The following AATK variants were observed in gnomAD, a reference collection of about 807,000 sequenced individuals.
The protein encoded by AATK is serine/threonine-protein kinase LMTK1.
In AATK, 91 loss-of-function variants were observed where a neutral mutation model predicts 114.3. The observed-to-expected ratio is 0.80, with a 90% CI of 0.67 to 0.95. AATK has a LOEUF of 0.95. AATK is among the 40% of genes least tolerant of loss of function. AATK has a pLI of 0.00. For synonymous variants in AATK, 1,075 were observed against 916.5 expected, an observed-to-expected ratio of 1.17 and a Z score of -3.12; for missense variants, 2,176 against 1,965.2, an observed-to-expected ratio of 1.11 and a Z score of -2.03.
chr17:81,153,642 T>G (rs955013770), intron 1 of AATK, among the ~76,000 whole-genome samples: 3 of 152,166 alleles, frequency 2.0e-5, no homozygotes, highest in Non-Finnish European at 4.4e-5. Context: ...TCACCAGCAC[T>G]ATTTCCGCCA....
chr17:81,118,306 C>A lies in AATK; in HGVS notation c.*96G>T. On this transcript the variant is annotated 3_prime_UTR_variant, in exon 14 of 14. Transcript: ENST00000326724. ...ACCTGAATCTGCTGCCAACAGCCAC[C>A]AGGACGTGGTCCCCACCTTCTCGGT... 1 of 1,337,160 alleles carries A rather than the reference C, an allele frequency of 7.5e-7. No individual in the cohort carries two copies. Among genetic ancestry groups the A allele is most frequent in the South Asian group, 1.3e-5 (1 of 75,976 alleles). The allele number at this position is 1,337,160 out of a possible 1,614,324, so 82.8% of individuals were successfully genotyped here. A position where few individuals can be genotyped will look rare whatever the true frequency, so the allele number is the denominator to read the frequency against.
At chr17:81,118,933 G>A (rs1014921094) in intron 13 of AATK, among the ~76,000 whole-genome samples, 4 of 152,248 alleles carry the variant, frequency 2.6e-5, no homozygotes, top group Non-Finnish European at 4.4e-5. Context: ...AGCCCAGCCT[G>A]GGGTGGGGCG....
intron 1 of AATK, among the ~76,000 whole-genome samples, chr17:81,160,520 G>A (rs1464475060): frequency 1.3e-5 from 2 of 152,358 alleles, no homozygotes; most frequent in Non-Finnish European, 2.9e-5. Context: ...TCCCGCGGGC[G>A]CTTGTTCCTC....
At chr17:81,129,002 C>T in intron 3 of AATK, 11 of 842,962 alleles carry the variant, frequency 1.3e-5, no homozygotes, top group Non-Finnish European at 1.7e-5. Flanking sequence ...TTGGGGGCTG[C>T]TTGGCACGGC....
intron 1 of AATK, among the ~76,000 whole-genome samples, chr17:81,140,807 G>A (rs2061118161): frequency 7.2e-6 from 1 of 138,494 alleles, no homozygotes; most frequent in Admixed American, 6.9e-5. Flanking sequence ...GAGACCGTGG[G>A]GCTGTGAGCC....
intron 9 of AATK, among the ~76,000 whole-genome samples, chr17:81,124,234 C>T (rs1052382204): frequency 1.8e-4 from 27 of 152,054 alleles, no homozygotes; most frequent in African/African-American, 5.1e-4. Flanking sequence ...CGGACCACTC[C>T]CCTGGCGGCT....
chr17:81,127,447 T>G (rs1422511218), intron 6 of AATK, 136 bp downstream of exon 6: 1 of 838,298 alleles, frequency 1.2e-6, no homozygotes, highest in East Asian at 2.7e-5. Flanking sequence ...TGGAAGGTGG[T>G]GGGGGCAGGG....
At chr17:81,165,911 G>C (rs747315725) in intron 1 of AATK, 27 bp downstream of exon 1, 17 of 1,566,342 alleles carry the variant, frequency 1.1e-5, no homozygotes, top group Non-Finnish European at 1.5e-5. Flanking sequence ...AGGCAGCGGC[G>C]CGCAGGCCGG....
chr17:81,140,273 T>C (rs963239070), intron 1 of AATK, among the ~76,000 whole-genome samples: 3 of 152,220 alleles, frequency 2.0e-5, no homozygotes, highest in Admixed American at 6.5e-5. Flanking sequence ...ACTTGCTTTT[T>C]TCGTATCAGT....
chr17:81,119,205 GCCAGGCGGGGT>G (rs1568215711), intron 13 of AATK, among the ~76,000 whole-genome samples, 164 bp downstream of exon 13: 1 of 150,450 alleles, frequency 6.6e-6, no homozygotes, highest in Admixed American at 6.6e-5. Context: ...CCAGGCGAGG[GCCAGGCGGGGT>G]CCAGGCTAGG....
intron 1 of AATK, among the ~76,000 whole-genome samples, chr17:81,159,632 T>C (rs2061407097): frequency 6.6e-6 from 1 of 150,994 alleles, no homozygotes; most frequent in South Asian, 2.1e-4. Context: ...TTGTTCAGAG[T>C]CACTAAGAAT....
rs2060651494 is a variant in AATK at position 81,119,322 on chromosome 17, G to A, written c.4084+58C>T. The A allele has an allele frequency of 1.0e-4, 124 of 1,193,182 alleles. 2 individuals carry two copies. The South Asian group carries it at 1.9e-3, about 18-fold the overall frequency. The allele number at this position is 1,193,182 out of a possible 1,614,324, so 73.9% of individuals were successfully genotyped here. Reference sequence around the variant, plus strand: ...ACCTAGACGGAGGGGCCCCACCCTCGGAGCTCCGTGCCCTGCCTCCCGCGT... The same window carrying A: ...ACCTAGACGGAGGGGCCCCACCCTCAGAGCTCCGTGCCCTGCCTCCCGCGT... On this transcript the variant is annotated intron_variant, in intron 13 of 13. Coordinates refer to ENST00000326724, the MANE Select transcript of AATK (RefSeq NM_001080395.3).
chr17:81,157,198 G>C (rs2061377100), intron 1 of AATK, among the ~76,000 whole-genome samples: 1 of 152,234 alleles, frequency 6.6e-6, no homozygotes, highest in East Asian at 1.9e-4. Context: ...CGGATAAGGA[G>C]GATGCAGGCC....
At chr17:81,131,959 C>A in intron 2 of AATK, 1 of 1,334,272 alleles carries the variant, frequency 7.5e-7, no homozygotes, top group East Asian at 5.0e-5. Flanking sequence ...CACACCACCT[C>A]CGGAGCTCCC....
chr17:81,128,683 C>G (rs1318411457), intron 3 of AATK, 134 bp from the exon 4 acceptor site: 2 of 1,474,648 alleles, frequency 1.4e-6, no homozygotes, highest in African/African-American at 1.4e-5. Context: ...CAGCTGGCAA[C>G]CTTGGGGCCA....
intron 1 of AATK, among the ~76,000 whole-genome samples, chr17:81,140,673 G>A (rs1428175763): frequency 2.1e-5 from 2 of 94,568 alleles, no homozygotes; most frequent in Non-Finnish European, 4.3e-5. Context: ...GGGCCGTGGG[G>A]ACCATGGGGC....
chr17:81,127,892 T>C lies in AATK; in HGVS notation c.433A>G (p.Asn145Asp). 1 of 1,549,062 alleles carries C rather than the reference T, an allele frequency of 6.5e-7. No homozygotes were observed. The highest frequency in any genetic ancestry group is 8.7e-7 in the Non-Finnish European group (1 of 1,146,988). Reference sequence around the variant, plus strand: ...ACCTGGGCACTGCTGATGCCAGAGTTCACCTCCCCCAGGAACACCTGTGGG... The same window carrying C: ...ACCTGGGCACTGCTGATGCCAGAGTCCACCTCCCCCAGGAACACCTGTGGG... Reference protein sequence around the residue: ...WFGKVFLGEVNSGISSAQVVV... With the variant: ...WFGKVFLGEVDSGISSAQVVV... The change falls in exon 5 of 14, where the codon AAC becomes GAC. Residue 145 changes from asparagine (N) to aspartate (D), a missense_variant. This residue lies in a region of AATK where 24 missense variants were observed against 50.9 expected (regional missense o/e 0.47). Coordinates refer to ENST00000326724, the MANE Select transcript of AATK (RefSeq NM_001080395.3).
intron 3 of AATK, among the ~76,000 whole-genome samples, chr17:81,129,937 G>A (rs2060904110): frequency 6.6e-6 from 1 of 152,250 alleles, no homozygotes; most frequent in Non-Finnish European, 1.5e-5. Flanking sequence ...TCCTCCAGGA[G>A]ATGGGGCAGA....
rs1463727693 is a variant in AATK, at chr17:81,124,980, C to T, written c.790G>A (p.Asp264Asn). 1.9e-6 allele frequency: 3 copies of T among 1,577,264 alleles called. No homozygotes were observed. The highest frequency in any genetic ancestry group is 1.7e-6 in the Non-Finnish European group (2 of 1,161,902). ...LALRNCLLTA[D>N]LTVKIGDYGL... Reference sequence around the variant, plus strand: ...TAGTCACCAATCTTCACCGTCAGGTCAGCCGTGAGCAGGCAGTTCCGCAGG... The same window carrying T: ...TAGTCACCAATCTTCACCGTCAGGTTAGCCGTGAGCAGGCAGTTCCGCAGG... The change falls in exon 8 of 14, where the codon GAC becomes AAC. Residue 264 changes from aspartate to asparagine, a missense_variant. By Grantham distance (23) the Asp-to-Asn change is conservative. This residue lies in a region of AATK where 273 missense variants were observed against 344.1 expected (regional missense o/e 0.79). Transcript: ENST00000326724.
Sources: allele counts gnomAD v4.1 joint callset (sites outside exome capture counted in the v4.1 genomes callset), GRCh38; gene constraint gnomAD v4.1.1; regional missense constraint gnomAD v4.1.1; transcripts MANE v1.5; gene names NCBI Gene and HGNC (gene_info 2026-07-23, HGNC 2026-07-21).